MBOAT1: variants seen among roughly 807,000 people sequenced by gnomAD.
MBOAT1 encodes membrane-bound glycerophospholipid O-acyltransferase 1.
Under a neutral mutation model 64.4 loss-of-function variants are expected in MBOAT1, and 67 were observed. The ratio of observed to expected loss-of-function variants is 1.04; its 90% CI spans 0.85 to 1.27. MBOAT1 has a LOEUF of 1.27. Among genes scored for constraint, MBOAT1 ranks in the 50% most tolerant of loss-of-function variants. The pLI is 0.00. For missense variants in MBOAT1, 563 were observed against 604.6 expected, an observed-to-expected ratio of 0.93 and a Z score of 0.72; for synonymous variants, 229 against 218.9, an observed-to-expected ratio of 1.05 and a Z score of -0.41.
intron 1 of MBOAT1, among the ~76,000 whole-genome samples, chr6:20,208,085 C>G (rs1190707865): frequency 2.0e-5 from 3 of 152,070 alleles, no homozygotes; most frequent in African/African-American, 4.8e-5. Flanking sequence ...AAGAAGAGAA[C>G]TGAAGGTTGG....
At chr6:20,148,553 G>A (rs1761394923) in intron 3 of MBOAT1, among the ~76,000 whole-genome samples, 1 of 152,176 alleles carries the variant, frequency 6.6e-6, no homozygotes, top group African/African-American at 2.4e-5. Context: ...TGACATCATG[G>A]TAATGAAGGG....
chr6:20,142,513 G>A (rs937554530), intron 4 of MBOAT1, among the ~76,000 whole-genome samples: 1 of 152,124 alleles, frequency 6.6e-6, no homozygotes, highest in African/African-American at 2.4e-5. Context: ...GCAGTGGCGC[G>A]ATCTCAGCTC....
rs141282560 is a variant in MBOAT1 at position 20,212,273 on chromosome 6, G to A, written c.-39C>T. 8.6e-5 allele frequency: 135 copies of A among 1,571,594 alleles called. No individual in the cohort carries two copies. The Middle Eastern group carries it at 2.0e-3, about 24-fold the overall frequency. On this transcript the variant is annotated 5_prime_UTR_variant, in exon 1 of 13. Coordinates refer to ENST00000324607, the MANE Select transcript of MBOAT1 (RefSeq NM_001080480.3). ...GAGGTGGCTGCCCCTGTCCCAGCCC[G>A]CAACACCCCCTGCTCGGCGTCCTCC...
intron 4 of MBOAT1, among the ~76,000 whole-genome samples, chr6:20,137,562 T>C (rs1381277094): frequency 6.6e-6 from 1 of 152,214 alleles, no homozygotes; most frequent in Non-Finnish European, 1.5e-5. Context: ...TTGATATGAA[T>C]TGTATTAGCA....
At chr6:20,157,730 G>A (rs1447073645) in intron 1 of MBOAT1, among the ~76,000 whole-genome samples, 3 of 150,626 alleles carry the variant, frequency 2.0e-5, no homozygotes, top group African/African-American at 7.4e-5. Flanking sequence ...AATGGAAGAC[G>A]TTAAACTGTA....
intron 12 of MBOAT1, among the ~76,000 whole-genome samples, chr6:20,107,385 C>T (rs939322688): frequency 9.2e-5 from 14 of 151,936 alleles, no homozygotes; most frequent in African/African-American, 2.9e-4. Flanking sequence ...CCACAATGCC[C>T]TCCTTGCCCA....
chr6:20,149,239 G>A (rs541820876), intron 3 of MBOAT1, among the ~76,000 whole-genome samples: 7 of 152,154 alleles, frequency 4.6e-5, no homozygotes, highest in Middle Eastern at 3.4e-3. Flanking sequence ...AAACCACATG[G>A]CTCTGCCAAG....
intron 8 of MBOAT1, among the ~76,000 whole-genome samples, chr6:20,122,737 T>C (rs1377898130): frequency 2.0e-5 from 3 of 152,132 alleles, no homozygotes; most frequent in Non-Finnish European, 4.4e-5. Flanking sequence ...GTGGTGATAG[T>C]GGCACAGTAT....
At chr6:20,192,265 T>C (rs1455599242) in intron 1 of MBOAT1, among the ~76,000 whole-genome samples, 1 of 152,174 alleles carries the variant, frequency 6.6e-6, no homozygotes, top group Non-Finnish European at 1.5e-5. Context: ...TTTCCATCTG[T>C]CATCTATTTC....
intron 10 of MBOAT1, 57 bp downstream of exon 10, chr6:20,115,231 T>A: frequency 7.8e-7 from 1 of 1,286,456 alleles, no homozygotes; most frequent in Admixed American, 1.7e-5. Context: ...ATCTACTGAC[T>A]CCCCTCTGAA....
intron 1 of MBOAT1, among the ~76,000 whole-genome samples, chr6:20,172,488 C>T (rs753414511): frequency 8.5e-5 from 13 of 152,054 alleles, no homozygotes; most frequent in East Asian, 1.9e-4. Context: ...TATAGTTGCT[C>T]ATACTATCTA....
intron 1 of MBOAT1, among the ~76,000 whole-genome samples, chr6:20,170,017 C>T (rs575313269): frequency 3.4e-4 from 52 of 152,302 alleles, no homozygotes; most frequent in African/African-American, 1.2e-3. Context: ...CTGCACATTA[C>T]TCTCTGCTCT....
chr6:20,211,969 AACACACACACAC>A lies in MBOAT1; in HGVS notation c.99+155_99+166del, dbSNP rs57852903. ...CACTAACACCAACTCAAGAAGGGAA[AACACACACACAC>A]ACACACACACACACACACACACAAA... is the stretch of plus-strand genomic sequence containing the variant. On this transcript the variant is annotated intron_variant, in intron 1 of 12. Transcript: ENST00000324607. 1,746 of 456,940 alleles carry A rather than the reference AACACACACACAC, an allele frequency of 3.8e-3. 24 individuals are homozygous for A. Among genetic ancestry groups the A allele is most frequent in the African/African-American group, 0.031 (1,499 of 48,712 alleles). The allele number at this position is 456,940 out of a possible 1,614,324, so 28.3% of individuals were successfully genotyped here.
chr6:20,131,517 G>A (rs997949601), intron 4 of MBOAT1, among the ~76,000 whole-genome samples: 4 of 152,062 alleles, frequency 2.6e-5, no homozygotes, highest in South Asian at 2.1e-4. Context: ...AGTTTCCTGA[G>A]GCCTCCTCAG....
chr6:20,168,080 T>C (rs1324528356), intron 1 of MBOAT1, among the ~76,000 whole-genome samples: 1 of 152,144 alleles, frequency 6.6e-6, no homozygotes, highest in African/African-American at 2.4e-5. Context: ...GTGTCCTAAA[T>C]CTAAAAACTC....
At chr6:20,164,174 T>TACACACAC (rs35199956) in intron 1 of MBOAT1, among the ~76,000 whole-genome samples, 15 of 147,554 alleles carry the variant, frequency 1.0e-4, no homozygotes, top group Admixed American at 3.4e-4. Context: ...TATGTGCATG[T>TACACACAC]ACACACACAC....
At chr6:20,147,992 C>A (rs1561763333) in intron 3 of MBOAT1, among the ~76,000 whole-genome samples, 1 of 152,234 alleles carries the variant, frequency 6.6e-6, no homozygotes, top group Non-Finnish European at 1.5e-5. Context: ...GAGACACAAG[C>A]CATGTTCTGC....
chr6:20,142,646 C>T (rs1761211311), intron 4 of MBOAT1, among the ~76,000 whole-genome samples: 1 of 152,088 alleles, frequency 6.6e-6, no homozygotes, highest in Non-Finnish European at 1.5e-5. Context: ...GATAGCGTTT[C>T]ACCATGTTGG....
At chr6:20,182,989 C>T (rs1429253680) in intron 1 of MBOAT1, among the ~76,000 whole-genome samples, 1 of 152,136 alleles carries the variant, frequency 6.6e-6, no homozygotes, top group Non-Finnish European at 1.5e-5. Context: ...AAAGGATTGG[C>T]AGTACATGCG....
Sources: allele counts gnomAD v4.1 joint callset (sites outside exome capture counted in the v4.1 genomes callset), GRCh38; gene constraint gnomAD v4.1.1; transcripts MANE v1.5; gene names NCBI Gene and HGNC (gene_info 2026-07-23, HGNC 2026-07-21).